The following EPHA8 variants were observed in gnomAD, a reference collection of about 807,000 sequenced individuals.
EPHA8 encodes EPH receptor A8, also known as ephrin type-A receptor 8.
EPHA8 carries 58 observed loss-of-function variants against 103.6 expected under a neutral mutation model. That is an observed-to-expected ratio of 0.56 (90% CI 0.45 to 0.70). The LOEUF is 0.70. EPHA8 is among the 30% of genes least tolerant of loss of function. The probability of loss-of-function intolerance (pLI) is 0.00; values close to 1 mark genes in which losing one functional copy is unlikely to be tolerated. For missense variants in EPHA8, 1,304 were observed against 1,395.2 expected (o/e 0.93, Z 1.04); for synonymous variants, 559 against 572.5 (o/e 0.98, Z 0.34).
chr1:22,589,063 G>A lies in EPHA8; in HGVS notation c.1172G>A (p.Ser391Asn). ...SGTRFVPQQT[S>N]LVQASLLVAN... ...ACCCGCTTTGTGCCCCAGCAGACAA[G>A]CCTGGTGCAGGCCAGCCTGCTGGTG... Residue 391 changes from serine (S) to asparagine (N), a missense_variant, in exon 5 of 17, where the codon AGC becomes AAC. Physicochemically the swap from Ser to Asn is conservative, Grantham distance 46 (BLOSUM62 1). Coordinates refer to ENST00000166244, the MANE Select transcript of EPHA8 (RefSeq NM_020526.5). The surrounding 1 kb of genome is among the most constrained non-coding windows in gnomAD (Gnocchi z 4.3). 1.2e-6 allele frequency: 2 copies of A among 1,613,260 alleles called. No individual in the cohort carries two copies. The highest frequency in any genetic ancestry group is 1.7e-6 in the Non-Finnish European group (2 of 1,179,714).
At chr1:22,570,799 C>T (rs560797424) in intron 2 of EPHA8, among the ~76,000 whole-genome samples, 2 of 152,376 alleles carry the variant, frequency 1.3e-5, no homozygotes, top group East Asian at 3.9e-4. Context: ...ACTGCCTGAG[C>T]GCGGACGCCA....
intron 3 of EPHA8, among the ~76,000 whole-genome samples, chr1:22,578,805 G>A (rs1557561568): frequency 1.3e-5 from 2 of 151,646 alleles, no homozygotes; most frequent in Non-Finnish European, 2.9e-5. Context: ...GTGCGTGTGT[G>A]CATGTATGTG....
intron 8 of EPHA8, among the ~76,000 whole-genome samples, chr1:22,595,897 C>T (rs556013675): frequency 6.6e-6 from 1 of 152,358 alleles, no homozygotes; most frequent in Admixed American, 6.5e-5. Flanking sequence ...GAGGATCCCA[C>T]AGTGCTTGTG....
chr1:22,596,194 G>T, intron 9 of EPHA8, 21 bp downstream of exon 9: 2 of 1,613,048 alleles, frequency 1.2e-6, no homozygotes, highest in South Asian at 2.2e-5. Flanking sequence ...GGGCCCGGTG[G>T]TCTGGGGCAG....
intron 13 of EPHA8, among the ~76,000 whole-genome samples, chr1:22,599,839 G>A (rs1280540233): frequency 3.6e-4 from 28 of 78,224 alleles, no homozygotes; most frequent in Non-Finnish European, 6.6e-4. Context: ...GGGGAGGGAA[G>A]AGGAGAGGAG....
intron 15 of EPHA8, 101 bp from the exon 16 acceptor site, chr1:22,601,199 C>T: frequency 6.5e-7 from 1 of 1,529,874 alleles, no homozygotes; most frequent in South Asian, 1.3e-5. Context: ...CAGCCTGGGC[C>T]CCCGGCCCCT....
chr1:22,599,648 AAGGAAGGAAAGGAGGGAGGGAGGAAGGAG>A (rs1641626439), intron 13 of EPHA8, among the ~76,000 whole-genome samples: 2 of 66,270 alleles, frequency 3.0e-5, no homozygotes, highest in Non-Finnish European at 5.3e-5. Context: ...GGAGGGAGGG[AAGGAAGGAAAGGAGGGAGGGAGGAAGGAG>A]GGAAGGAAGG....
intron 9 of EPHA8, among the ~76,000 whole-genome samples, chr1:22,596,541 A>G (rs1399273853): frequency 2.0e-5 from 3 of 151,896 alleles, no homozygotes; most frequent in African/African-American, 7.3e-5. Context: ...TCCACACCCC[A>G]CTCCTGTGCC....
intron 13 of EPHA8, among the ~76,000 whole-genome samples, chr1:22,600,054 A>C (rs1206310562): frequency 1.0e-5 from 1 of 100,132 alleles, no homozygotes; most frequent in Non-Finnish European, 2.0e-5. Context: ...GTGGAGGAGG[A>C]AGGAAGGGGG....
rs1037609684 is a variant in EPHA8 at position 22,601,746 on chromosome 1, C to T, written c.*5C>T. The stretch of plus-strand genomic sequence containing the variant: ...GGGCCCCGCCGGCACCTCTGATGTA[C>T]AGCCAGCAGGGCCCAGGCAGCCACC... On this transcript the variant is annotated 3_prime_UTR_variant, in exon 17 of 17. Coordinates refer to ENST00000166244, the MANE Select transcript of EPHA8 (RefSeq NM_020526.5). The T allele has an allele frequency of 3.2e-6, 5 of 1,554,686 alleles. No individual in the cohort carries two copies. The Middle Eastern group carries it at 5.5e-4, about 171-fold the overall frequency.
chr1:22,585,027 C>CTGTGTGTGTGTGTGTGTG lies in EPHA8; in HGVS notation c.824-1446_824-1429dup, dbSNP rs772415643. 8.1e-3 allele frequency among the ~76,000 whole-genome samples: 1,199 copies of CTGTGTGTGTGTGTGTGTG among 147,554 alleles called. 8 individuals carry two copies. Among genetic ancestry groups the CTGTGTGTGTGTGTGTGTG allele is most frequent in the South Asian group, 0.016 (70 of 4,432 alleles). On this transcript the variant is annotated intron_variant, in intron 3 of 16. Coordinates refer to ENST00000166244, the MANE Select transcript of EPHA8 (RefSeq NM_020526.5). ...AGCAGGGCGGGGAATGGTCGTTTCT[C>CTGTGTGTGTGTGTGTGTG]TGTGTGTGTGTGTGTGTGTGTGTGC...
Position 22,596,139 on chromosome 1 carries a change from G to A in EPHA8, c.1731G>A (p.Ser577=), listed in dbSNP as rs144628022. 1,197 of 1,613,956 alleles carry A rather than the reference G, an allele frequency of 7.4e-4. 25 individuals carry two copies. In the South Asian group the frequency reaches 0.011, roughly 15 times the overall value. ...GCTACAGCAAGGCCTTCCAGGACTC[G>A]GACGAGGAGAAGATGCACTATCAGA... The part of the protein sequence containing the change: ...HCGYSKAFQD[S]DEEKMHYQNG... Residue 577 remains serine (S), a synonymous_variant, in exon 9 of 17, where the codon TCG becomes TCA. Transcript: ENST00000166244.
At chr1:22,601,152 C>A (rs1003608391) in intron 15 of EPHA8, 64 bp downstream of exon 15, 2 of 1,550,808 alleles carry the variant, frequency 1.3e-6, no homozygotes, top group Non-Finnish European at 8.7e-7. Context: ...CCAGATCTGT[C>A]CCTGGGACAG....
intron 3 of EPHA8, among the ~76,000 whole-genome samples, chr1:22,578,472 A>G (rs951853562): frequency 1.4e-5 from 2 of 140,662 alleles, no homozygotes; most frequent in African/African-American, 2.7e-5. Context: ...ATGTGTGTGC[A>G]TGTGCATGAG....
chr1:22,580,464 T>C (rs184882064), intron 3 of EPHA8, among the ~76,000 whole-genome samples: 2 of 152,266 alleles, frequency 1.3e-5, no homozygotes, highest in East Asian at 3.9e-4. Flanking sequence ...TTAAGAAATC[T>C]CATTTCACAT....
intron 13 of EPHA8, among the ~76,000 whole-genome samples, chr1:22,600,128 A>G: frequency 1.0e-5 from 1 of 97,950 alleles, no homozygotes. Context: ...GGAGGGAAGG[A>G]GAGAAGGAAG....
Position 22,600,610 on chromosome 1 carries a change from G to A in EPHA8, c.2389-51G>A, listed in dbSNP as rs142198389. ...GCTCTCTGACTCAGACGGCTCGGGG[G>A]ACACCCTGCCAGGCCTGGGCAGCCC... On this transcript the variant is annotated intron_variant, in intron 13 of 16. Transcript: ENST00000166244. 277 of 1,602,460 alleles carry A rather than the reference G, an allele frequency of 1.7e-4. 2 individuals are homozygous for A. In the African/African-American group the frequency reaches 2.8e-3, roughly 16 times the overall value.
At chr1:22,586,768 G>C in intron 4 of EPHA8, 133 bp downstream of exon 4, 1 of 1,132,388 alleles carries the variant, frequency 8.8e-7, no homozygotes, top group Non-Finnish European at 1.2e-6. Flanking sequence ...TGAGCCAGAG[G>C]CCAGTCTGAG....
chr1:22,580,431 G>A (rs574174235), intron 3 of EPHA8, among the ~76,000 whole-genome samples: 5 of 152,168 alleles, frequency 3.3e-5, no homozygotes, highest in South Asian at 2.1e-4. Context: ...GAGCTACCAC[G>A]TCCAACTCGC....
Sources: gnomAD v4.1 joint callset for allele counts (sites outside exome capture counted in the v4.1 genomes callset) on GRCh38, gnomAD v4.1.1 for gene constraint, Gnocchi (gnomAD v3.1) non-coding constraint, MANE v1.5 for transcripts, NCBI Gene and HGNC (gene_info 2026-07-23, HGNC 2026-07-21) for gene names.